ST8SIA2: variants seen among roughly 807,000 people sequenced by gnomAD.
ST8SIA2 encodes the protein alpha-2,8-sialyltransferase 8B.
Under a neutral mutation model 37.6 loss-of-function variants are expected in ST8SIA2, and 22 were observed. The observed-to-expected ratio is 0.58, with a 90% CI of 0.42 to 0.83. The LOEUF is 0.83. ST8SIA2 is among the 40% of genes least tolerant of loss of function. The probability of loss-of-function intolerance (pLI) is 0.00; values close to 1 mark genes in which losing one functional copy is unlikely to be tolerated. For synonymous variants in ST8SIA2, 205 were observed against 201.2 expected (o/e 1.02, Z -0.16); for missense variants, 382 against 484.7 (o/e 0.79, Z 1.99).
chr15:92,414,485 A>T (rs538521680), intron 1 of ST8SIA2, among the ~76,000 whole-genome samples: 75 of 152,342 alleles, frequency 4.9e-4, no homozygotes, highest in Middle Eastern at 6.8e-3. Context: ...TCTGTCAGAC[A>T]GAGGTGTATT....
chr15:92,411,262 A>G (rs1260781890), intron 1 of ST8SIA2, among the ~76,000 whole-genome samples: 1 of 152,098 alleles, frequency 6.6e-6, no homozygotes, highest in African/African-American at 2.4e-5. Flanking sequence ...GACAGTTGGG[A>G]CCCTTGAAGT....
intron 5 of ST8SIA2, among the ~76,000 whole-genome samples, chr15:92,460,161 C>T (rs1193753050): frequency 6.6e-6 from 1 of 152,192 alleles, no homozygotes; most frequent in Middle Eastern, 3.2e-3. Context: ...ATATTCCTGA[C>T]ACTTCTTCTT....
chr15:92,400,503 C>G (rs1317357239), intron 1 of ST8SIA2, among the ~76,000 whole-genome samples: 1 of 152,292 alleles, frequency 6.6e-6, no homozygotes, highest in South Asian at 2.1e-4. Flanking sequence ...GTGTATCTAG[C>G]GTGGAGGGTG....
At position 92,464,430 on chromosome 15, in the gene ST8SIA2, T is replaced by C. The variant is rs762968884; in HGVS notation, c.*45T>C. On this transcript the variant is annotated 3_prime_UTR_variant, in exon 6 of 6. Coordinates refer to ENST00000268164, the MANE Select transcript of ST8SIA2 (RefSeq NM_006011.4). ...TCAGTGGCTCACATTTCCTGCCAGC[T>C]ACACCACAGGCAGATGGGAGTCGGG... 2.1e-5 allele frequency: 33 copies of C among 1,608,850 alleles called. No homozygotes were observed. The highest frequency in any genetic ancestry group is 2.8e-5 in the Non-Finnish European group (33 of 1,176,860).
intron 1 of ST8SIA2, among the ~76,000 whole-genome samples, chr15:92,406,291 G>A (rs374986080): frequency 1.3e-5 from 2 of 152,192 alleles, no homozygotes; most frequent in Non-Finnish European, 2.9e-5. Flanking sequence ...GTTTCCACAG[G>A]CCTGGGGCAG....
intron 1 of ST8SIA2, among the ~76,000 whole-genome samples, chr15:92,427,764 A>G (rs2049687341): frequency 6.6e-6 from 1 of 152,164 alleles, no homozygotes; most frequent in Non-Finnish European, 1.5e-5. Context: ...TGGGCAGATC[A>G]CCTGAAGCCG....
chr15:92,418,982 T>G (rs909548767), intron 1 of ST8SIA2, among the ~76,000 whole-genome samples: 1 of 152,170 alleles, frequency 6.6e-6, no homozygotes, highest in Non-Finnish European at 1.5e-5. Flanking sequence ...GTCATGTCTC[T>G]TAGCCGCAGC....
rs965021609 is a variant in ST8SIA2, at chr15:92,393,897, TCGCTGCCGCTGC to T, written c.-152_-141del. 33 of 246,076 alleles carry T rather than the reference TCGCTGCCGCTGC, an allele frequency of 1.3e-4. No homozygotes were observed. The highest frequency in any genetic ancestry group is 9.0e-4 in the South Asian group (6 of 6,696). The allele number at this position is 246,076 out of a possible 1,614,324, so 15.2% of individuals were successfully genotyped here. A position where few individuals can be genotyped will look rare whatever the true frequency, so the allele number is the denominator to read the frequency against. On this transcript the variant is annotated 5_prime_UTR_variant, in exon 1 of 6. Coordinates refer to ENST00000268164, the MANE Select transcript of ST8SIA2 (RefSeq NM_006011.4). ...GCCGCGCCTGAGCAACCCCTGCCTG[TCGCTGCCGCTGC>T]CGCTGCCGCTGCCGCCGCCGGCCCG...
intron 5 of ST8SIA2, among the ~76,000 whole-genome samples, chr15:92,452,257 C>T (rs1466309297): frequency 6.6e-6 from 1 of 152,204 alleles, no homozygotes; most frequent in Non-Finnish European, 1.5e-5. Flanking sequence ...TTCTCAGGCC[C>T]ACCCCAGACC....
chr15:92,409,960 G>A (rs993707214), intron 1 of ST8SIA2, among the ~76,000 whole-genome samples: 1 of 152,236 alleles, frequency 6.6e-6, no homozygotes, highest in Non-Finnish European at 1.5e-5. Flanking sequence ...GTGATCTGGT[G>A]GGGGAGCGAG....
chr15:92,437,595 G>C (rs923885651), intron 3 of ST8SIA2, among the ~76,000 whole-genome samples: 3 of 151,870 alleles, frequency 2.0e-5, no homozygotes, highest in Non-Finnish European at 4.4e-5. Context: ...GCAACTAGAG[G>C]GGGCAGCAAG....
chr15:92,434,446 CGTCATCTAAAGAA>C lies in ST8SIA2; in HGVS notation c.290+76_290+88del, dbSNP rs573743775. 32 of 1,602,706 alleles carry C rather than the reference CGTCATCTAAAGAA, an allele frequency of 2.0e-5. No individual in the cohort carries two copies. In the East Asian group the frequency reaches 6.7e-4, roughly 34 times the overall value. On this transcript the variant is annotated intron_variant, in intron 3 of 5. Coordinates refer to ENST00000268164, the MANE Select transcript of ST8SIA2 (RefSeq NM_006011.4). The stretch of plus-strand genomic sequence containing the variant: ...CATACACGGGCAAATTGCTTCTCTT[CGTCATCTAAAGAA>C]GTCAGGATAGAAATAAAATGTTTAC...
At chr15:92,413,458 A>C (rs1395432880) in intron 1 of ST8SIA2, among the ~76,000 whole-genome samples, 1 of 152,068 alleles carries the variant, frequency 6.6e-6, no homozygotes, top group Admixed American at 6.6e-5. Context: ...TTGCCACCTC[A>C]TTTTATTTTT....
chr15:92,404,767 G>C (rs1043572807), intron 1 of ST8SIA2, among the ~76,000 whole-genome samples: 4 of 151,530 alleles, frequency 2.6e-5, no homozygotes, highest in African/African-American at 9.7e-5. Context: ...CCCGGGAGGC[G>C]GAGGTTGCAG....
intron 1 of ST8SIA2, among the ~76,000 whole-genome samples, chr15:92,418,821 G>T (rs1179770870): frequency 1.3e-5 from 2 of 152,174 alleles, no homozygotes; most frequent in Admixed American, 6.5e-5. Flanking sequence ...TCTGCCAGGG[G>T]AACAGTAGGA....
At chr15:92,415,967 G>A (rs1394180002) in intron 1 of ST8SIA2, among the ~76,000 whole-genome samples, 2 of 152,158 alleles carry the variant, frequency 1.3e-5, no homozygotes, top group Non-Finnish European at 2.9e-5. Context: ...AAGGGTCTCT[G>A]TGCCATGCTA....
chr15:92,403,705 A>G (rs2049487378), intron 1 of ST8SIA2, among the ~76,000 whole-genome samples: 1 of 152,186 alleles, frequency 6.6e-6, no homozygotes. Context: ...GAATTAGTAA[A>G]TTGATAGGGC....
chr15:92,465,576 T>G lies in ST8SIA2; in HGVS notation c.*1191T>G, dbSNP rs2049986491. Reference sequence around the variant, plus strand: ...TGCAGCCAGACTGCTGTGTCAATGTTACTTTCTTGTCACTTTCCTACCCTG... The same window carrying G: ...TGCAGCCAGACTGCTGTGTCAATGTGACTTTCTTGTCACTTTCCTACCCTG... On this transcript the variant is annotated 3_prime_UTR_variant, in exon 6 of 6. Coordinates refer to ENST00000268164, the MANE Select transcript of ST8SIA2 (RefSeq NM_006011.4). 1 of 152,236 alleles carries G rather than the reference T, an allele frequency of 6.6e-6. No homozygotes were observed. Among genetic ancestry groups the G allele is most frequent in the Admixed American group, 6.5e-5 (1 of 15,280 alleles). 9.4% of individuals were successfully genotyped at this position (152,236 alleles called of 1,614,324 possible).
chr15:92,434,268 C>A lies in ST8SIA2; in HGVS notation c.183C>A (p.Gly61=). Residue 61 remains glycine (G), a synonymous_variant, in exon 3 of 6, where the codon GGC becomes GGA. Transcript: ENST00000268164. ...CCAGAGCTGAAGTTGTAATAAACGG[C>A]TCCTCATCACCAGCTGTTGTTGACA... ...KSNRAEVVIN[G]SSSPAVVDRS... 6.2e-7 allele frequency: 1 copy of A among 1,614,096 alleles called. No homozygotes were observed. The highest frequency in any genetic ancestry group is 8.5e-7 in the Non-Finnish European group (1 of 1,180,044).
Sources: allele counts gnomAD v4.1 joint callset (sites outside exome capture counted in the v4.1 genomes callset), GRCh38; gene constraint gnomAD v4.1.1; transcripts MANE v1.5; gene names NCBI Gene and HGNC (gene_info 2026-07-23, HGNC 2026-07-21).